LYPD6: variants seen among roughly 807,000 people sequenced by gnomAD.
The protein encoded by LYPD6 is LY6/PLAUR domain containing 6.
Under a neutral mutation model 22.7 loss-of-function variants are expected in LYPD6, and 15 were observed. The ratio of observed to expected loss-of-function variants is 0.66; its 90% confidence interval spans 0.44 to 1.02. LYPD6 has a LOEUF of 1.02. Among genes scored for constraint, LYPD6 ranks in the 50% least tolerant of loss-of-function variants. The pLI is 0.00. For synonymous variants in LYPD6, 72 were observed against 77.5 expected, an observed-to-expected ratio of 0.93 and a Z score of 0.37; for missense variants, 189 against 208.4, an observed-to-expected ratio of 0.91 and a Z score of 0.57.
intron 4 of LYPD6, 37 bp downstream of exon 4, chr2:149,468,812 C>T: frequency 6.2e-7 from 1 of 1,605,998 alleles, no homozygotes. Flanking sequence ...TACTACATAG[C>T]CAGCTGCCTT....
chr2:149,437,998 A>G (rs1683474606), intron 2 of LYPD6, among the ~76,000 whole-genome samples, 172 bp downstream of exon 2: 1 of 152,184 alleles, frequency 6.6e-6, no homozygotes, highest in Non-Finnish European at 1.5e-5. Context: ...CCTTTTCACA[A>G]GAAGATTTTT....
At chr2:149,411,341 C>T (rs570266657) in intron 1 of LYPD6, among the ~76,000 whole-genome samples, 1 of 152,150 alleles carries the variant, frequency 6.6e-6, no homozygotes, top group South Asian at 2.1e-4. Context: ...AGTCTTTCTC[C>T]AGACAACAAG....
At chr2:149,479,835 G>A in the LYPD6 span, among the ~76,000 whole-genome samples, 3 of 152,122 alleles carry the variant, frequency 2.0e-5, no homozygotes, top group African/African-American at 4.8e-5. Context: ...ACCTGATTAA[G>A]TCACCCATCT....
intron 1 of LYPD6, among the ~76,000 whole-genome samples, chr2:149,345,549 T>C (rs1047136656): frequency 6.6e-6 from 1 of 151,396 alleles, no homozygotes; most frequent in African/African-American, 2.4e-5. Flanking sequence ...TCTCCTGACA[T>C]TGTGATCCAC....
At chr2:149,404,734 C>A (rs541415256) in intron 1 of LYPD6, among the ~76,000 whole-genome samples, 1 of 152,138 alleles carries the variant, frequency 6.6e-6, no homozygotes, top group Non-Finnish European at 1.5e-5. Flanking sequence ...TTTCCTTCTC[C>A]TGCCTAATTT....
intron 1 of LYPD6, among the ~76,000 whole-genome samples, chr2:149,418,420 T>C (rs1027995923): frequency 6.6e-6 from 1 of 150,960 alleles, no homozygotes; most frequent in African/African-American, 2.5e-5. Flanking sequence ...AACATAAAAA[T>C]TTGGAACTCC....
chr2:149,469,971 T>C (rs980723200), intron 4 of LYPD6, among the ~76,000 whole-genome samples: 1 of 152,188 alleles, frequency 6.6e-6, no homozygotes, highest in Non-Finnish European at 1.5e-5. Context: ...GGAATCTTGT[T>C]AAAATGTAGT....
At chr2:149,347,663 AT>A (rs960415364) in intron 1 of LYPD6, among the ~76,000 whole-genome samples, 3 of 151,998 alleles carry the variant, frequency 2.0e-5, no homozygotes, top group South Asian at 4.2e-4. Flanking sequence ...TATTTGTGTC[AT>A]TTTTTTGGCA....
intron 1 of LYPD6, among the ~76,000 whole-genome samples, chr2:149,335,110 CATT>C (rs1681011005): frequency 6.6e-6 from 1 of 152,022 alleles, no homozygotes; most frequent in Non-Finnish European, 1.5e-5. Context: ...TGCAATTTAT[CATT>C]ATCTTAGAGA....
intron 1 of LYPD6, among the ~76,000 whole-genome samples, chr2:149,352,664 A>G (rs1681380300): frequency 6.6e-6 from 1 of 152,194 alleles, no homozygotes; most frequent in Non-Finnish European, 1.5e-5. Flanking sequence ...TTGTGTACGT[A>G]TCCTGCATGG....
chr2:149,432,718 T>C (rs1006780036), intron 1 of LYPD6, among the ~76,000 whole-genome samples: 1 of 152,102 alleles, frequency 6.6e-6, no homozygotes, highest in African/African-American at 2.4e-5. Flanking sequence ...ATCTCTCTTT[T>C]CCCCCTTTCC....
At chr2:149,373,216 A>G (rs947351329) in intron 1 of LYPD6, among the ~76,000 whole-genome samples, 1 of 152,150 alleles carries the variant, frequency 6.6e-6, no homozygotes, top group Non-Finnish European at 1.5e-5. Flanking sequence ...GGGAAGGGCC[A>G]GTGCCTGGAG....
downstream of LYPD6, among the ~76,000 whole-genome samples, chr2:149,478,527 G>C (rs1681478433): frequency 6.6e-6 from 1 of 151,986 alleles, no homozygotes; most frequent in Non-Finnish European, 1.5e-5. Context: ...GGGCTCAAAT[G>C]ATCCACCTGC....
chr2:149,348,627 G>A lies in LYPD6; in HGVS notation c.-72+17905G>A, dbSNP rs1326658034. 2.6e-5 allele frequency among the ~76,000 whole-genome samples: 4 copies of A among 152,204 alleles called. No individual in the cohort carries two copies. The East Asian group carries it at 7.7e-4, about 29-fold the overall frequency. The stretch of plus-strand genomic sequence containing the variant: ...GTAGTAAAAAGTCAAAGATGTACAG[G>A]GCAGGCTGTCCAACATGCAAAGCCT... On this transcript the variant is annotated intron_variant, in intron 1 of 4. Transcript: ENST00000334166.
intron 1 of LYPD6, among the ~76,000 whole-genome samples, chr2:149,424,723 C>T (rs1028167272): frequency 1.3e-5 from 2 of 152,214 alleles, no homozygotes; most frequent in African/African-American, 4.8e-5. Flanking sequence ...TGAGAAGCAG[C>T]GTGGTGCACT....
intron 1 of LYPD6, among the ~76,000 whole-genome samples, chr2:149,398,443 G>GTGTA (rs1682475491): frequency 6.7e-6 from 1 of 148,904 alleles, no homozygotes; most frequent in African/African-American, 2.5e-5. Context: ...GTGTGTGTGT[G>GTGTA]TGTGTATGTG....
chr2:149,425,084 G>A (rs1156947189), intron 1 of LYPD6, among the ~76,000 whole-genome samples: 1 of 152,026 alleles, frequency 6.6e-6, no homozygotes, highest in African/African-American at 2.4e-5. Flanking sequence ...CAGATAAGCT[G>A]CCCTAGTTGG....
At chr2:149,359,493 C>T (rs1314357580) in intron 1 of LYPD6, among the ~76,000 whole-genome samples, 1 of 152,178 alleles carries the variant, frequency 6.6e-6, no homozygotes, top group Non-Finnish European at 1.5e-5. Flanking sequence ...ATATTAGACA[C>T]ATATAAACAT....
At chr2:149,417,138 A>C (rs747368092) in intron 1 of LYPD6, among the ~76,000 whole-genome samples, 2 of 152,170 alleles carry the variant, frequency 1.3e-5, no homozygotes, top group African/African-American at 2.4e-5. Context: ...TCATTATCAC[A>C]TGGGCAACAC....
Sources: gnomAD v4.1 joint callset for allele counts (sites outside exome capture counted in the v4.1 genomes callset) on GRCh38, gnomAD v4.1.1 for gene constraint, MANE v1.5 for transcripts, NCBI Gene and HGNC (gene_info 2026-07-23, HGNC 2026-07-21) for gene names.